The following RYR2 variants were observed in gnomAD, a reference collection of about 807,000 sequenced individuals.
The protein encoded by RYR2 is ryanodine receptor 2.
RYR2 carries 227 observed loss-of-function variants against 601.1 expected under a neutral mutation model. The ratio of observed to expected loss-of-function variants is 0.38; its 90% CI spans 0.34 to 0.42. The LOEUF (loss-of-function observed/expected upper bound fraction) is 0.42, where lower values mean the gene tolerates loss of function less well. RYR2 is among the 10% of genes least tolerant of loss of function. The pLI is 1.00. For synonymous variants in RYR2, 2,223 were observed against 2,175.1 expected (o/e 1.02, Z -0.61); for missense variants, 4,646 against 6,156.5 (o/e 0.75, Z 8.21).
At chr1:237,174,268 A>G (rs748236636) in intron 1 of RYR2, among the ~76,000 whole-genome samples, 1 of 152,156 alleles carries the variant, frequency 6.6e-6, no homozygotes, top group Admixed American at 6.5e-5. Context: ...AGTTTTCCTT[A>G]AGTATCTTGA....
At chr1:237,612,374 A>C (rs1485680442) in intron 36 of RYR2, among the ~76,000 whole-genome samples, 2 of 152,200 alleles carry the variant, frequency 1.3e-5, no homozygotes, top group Non-Finnish European at 2.9e-5. Context: ...AACTCCATTA[A>C]TATACATAAA....
intron 71 of RYR2, 117 bp from the exon 72 acceptor site, chr1:237,717,081 A>G: frequency 3.4e-6 from 3 of 886,158 alleles, no homozygotes; most frequent in Non-Finnish European, 5.1e-6. Context: ...GAGGATTTTC[A>G]AAACTAGGGA....
intron 20 of RYR2, among the ~76,000 whole-genome samples, chr1:237,497,143 G>T (rs1481080981): frequency 6.6e-6 from 1 of 152,030 alleles, no homozygotes; most frequent in Non-Finnish European, 1.5e-5. Context: ...CAACATAAAA[G>T]AACAAAAAAC....
intron 17 of RYR2, among the ~76,000 whole-genome samples, chr1:237,490,019 T>C (rs1663148653): frequency 1.3e-5 from 2 of 152,214 alleles, no homozygotes; most frequent in African/African-American, 2.4e-5. Flanking sequence ...ATTGACATCA[T>C]GTCCTTTACA....
rs149442407 is a variant in RYR2, at chr1:237,752,326, T to C, written c.11146-3962T>C. Among the ~76,000 whole-genome samples the C allele has an allele frequency of 5.1e-3, 775 of 152,204 alleles. 6 individuals are homozygous for C. The highest frequency in any genetic ancestry group is 0.018 in the African/African-American group (749 of 41,556). ...CACCACGAAGCCTGGCTATTTTTAG[T>C]TTTTTGTAGAGACAGGGTCTTGCTA... is the stretch of plus-strand genomic sequence containing the variant. On this transcript the variant is annotated intron_variant, in intron 80 of 104. Transcript: ENST00000366574.
intron 74 of RYR2, 72 bp from the exon 75 acceptor site, chr1:237,726,201 G>A: frequency 2.0e-6 from 2 of 997,866 alleles, no homozygotes; most frequent in Non-Finnish European, 3.0e-6. Flanking sequence ...AATCATTTTT[G>A]ACTCTTTACT....
At chr1:237,665,441 AT>A (rs1406332245) in intron 56 of RYR2, among the ~76,000 whole-genome samples, 2 of 151,962 alleles carry the variant, frequency 1.3e-5, no homozygotes, top group Non-Finnish European at 2.9e-5. Flanking sequence ...GACAAATTAA[AT>A]TTAACAGAGT....
chr1:237,577,433 C>T (rs1174933251), intron 29 of RYR2, among the ~76,000 whole-genome samples: 1 of 151,474 alleles, frequency 6.6e-6, no homozygotes, highest in Non-Finnish European at 1.5e-5. Context: ...ATTAATTAAC[C>T]TGGATTATCT....
At chr1:237,447,916 C>T (rs952034948) in intron 14 of RYR2, among the ~76,000 whole-genome samples, 9 of 145,382 alleles carry the variant, frequency 6.2e-5, no homozygotes, top group Admixed American at 5.5e-4. Flanking sequence ...TCTTTCCCCT[C>T]CCCTTTCCTC....
chr1:237,566,169 A>C (rs534178030), intron 27 of RYR2, among the ~76,000 whole-genome samples: 2 of 152,112 alleles, frequency 1.3e-5, no homozygotes, highest in South Asian at 4.1e-4. Context: ...TCACCCGTAC[A>C]TGTCTACTCA....
intron 53 of RYR2, among the ~76,000 whole-genome samples, chr1:237,656,446 T>C (rs1444427131): frequency 5.9e-5 from 9 of 152,198 alleles, no homozygotes; most frequent in Middle Eastern, 3.2e-3. Context: ...TTCAGCATGA[T>C]AAAACGCAGC....
At chr1:237,619,774 G>T (rs1678880340) in intron 38 of RYR2, among the ~76,000 whole-genome samples, 1 of 152,088 alleles carries the variant, frequency 6.6e-6, no homozygotes, top group Admixed American at 6.6e-5. Flanking sequence ...TCATTAGAAA[G>T]TATGGAGGGC....
chr1:237,168,530 A>G (rs941002711), intron 1 of RYR2, among the ~76,000 whole-genome samples: 1 of 151,970 alleles, frequency 6.6e-6, no homozygotes, highest in African/African-American at 2.4e-5. Flanking sequence ...CTGTTGTTCT[A>G]TACTCTCTCT....
intron 1 of RYR2, among the ~76,000 whole-genome samples, chr1:237,160,024 G>A (rs996872833): frequency 8.5e-5 from 13 of 152,126 alleles, no homozygotes; most frequent in African/African-American, 2.9e-4. Context: ...CTTTACTAAT[G>A]AAATGATCAA....
intron 1 of RYR2, among the ~76,000 whole-genome samples, chr1:237,151,722 C>T (rs1362916641): frequency 5.3e-5 from 8 of 152,136 alleles, no homozygotes; most frequent in African/African-American, 1.4e-4. Context: ...GCTGAAGGAG[C>T]AGAGGAGGAC....
intron 1 of RYR2, among the ~76,000 whole-genome samples, chr1:237,165,279 G>A (rs552012847): frequency 2.0e-4 from 30 of 152,302 alleles, no homozygotes; most frequent in African/African-American, 7.0e-4. Context: ...AATCAGTAAC[G>A]CTGTAGAAAT....
intron 38 of RYR2, among the ~76,000 whole-genome samples, chr1:237,617,692 G>C (rs2148615582): frequency 6.6e-6 from 1 of 152,276 alleles, no homozygotes; most frequent in Admixed American, 6.5e-5. Flanking sequence ...GAAGATATCA[G>C]GTATATCACC....
intron 10 of RYR2, among the ~76,000 whole-genome samples, chr1:237,396,483 C>CAA (rs1702869098): frequency 1.3e-5 from 2 of 152,178 alleles, no homozygotes; most frequent in East Asian, 3.8e-4. Context: ...CCAACATGCA[C>CAA]AATTTTTGTG....
intron 14 of RYR2, among the ~76,000 whole-genome samples, chr1:237,446,383 T>C (rs912958946): frequency 7.9e-5 from 12 of 152,310 alleles, no homozygotes; most frequent in African/African-American, 2.4e-4. Context: ...TTTTTTCTTT[T>C]GTGTTTAATC....
Sources: gnomAD v4.1 joint callset for allele counts (sites outside exome capture counted in the v4.1 genomes callset) on GRCh38, gnomAD v4.1.1 for gene constraint, MANE v1.5 for transcripts, NCBI Gene and HGNC (gene_info 2026-07-23, HGNC 2026-07-21) for gene names.